PPP2R2C: variants seen among roughly 807,000 people sequenced by gnomAD.
The protein encoded by PPP2R2C is protein phosphatase 2, regulatory subunit B, gamma.
In PPP2R2C, 10 loss-of-function variants were observed where a neutral mutation model predicts 45.3. That is an observed-to-expected ratio of 0.22 (90% confidence interval 0.14 to 0.37). The LOEUF is 0.37. PPP2R2C is among the 10% of genes least tolerant of loss of function. The probability of loss-of-function intolerance (pLI) is 1.00; values close to 1 mark genes in which losing one functional copy is unlikely to be tolerated. For missense variants in PPP2R2C, 308 were observed against 619.7 expected, an observed-to-expected ratio of 0.50 and a Z score of 5.34; for synonymous variants, 257 against 245.4, an observed-to-expected ratio of 1.05 and a Z score of -0.44.
intron 1 of PPP2R2C, among the ~76,000 whole-genome samples, chr4:6,391,403 C>A (rs1168651449): frequency 6.6e-6 from 1 of 152,234 alleles, no homozygotes; most frequent in Non-Finnish European, 1.5e-5. Context: ...CTTATTGCCA[C>A]ATTGAATCCT....
rs536079663 is a variant in PPP2R2C at position 6,328,628 on chromosome 4, G to T, written c.1052+634C>A. On this transcript the variant is annotated intron_variant, in intron 8 of 8. Coordinates refer to ENST00000382599, the MANE Select transcript of PPP2R2C (RefSeq NM_020416.4). The surrounding 1 kb of genome is among the most constrained non-coding windows in gnomAD (Gnocchi z 4.4). ...TGCCACAGCCCCCTTGTCCATGCCC[G>T]CCCTGGGCTGAGCCCAGGCTAGGGA... Among the ~76,000 whole-genome samples the T allele has an allele frequency of 6.6e-6, 1 of 152,176 alleles. No homozygotes were observed.
Position 6,323,081 on chromosome 4 carries a change from T to G in PPP2R2C, c.*221A>C. The G allele has an allele frequency of 4.2e-6, 2 of 474,804 alleles. No homozygotes were observed. The highest frequency in any genetic ancestry group is 3.6e-6 in the Non-Finnish European group (1 of 277,860). 29.4% of individuals were successfully genotyped at this position (474,804 alleles called of 1,614,324 possible). On this transcript the variant is annotated 3_prime_UTR_variant, in exon 9 of 9. Transcript: ENST00000382599. ...TGTGGCGGTGAACGCTTCCTTTCCT[T>G]TTTATTTTTTTAAACAGACAATTAC...
At position 6,324,591 on chromosome 4, in the gene PPP2R2C, C is replaced by T. The variant is rs1166358173; in HGVS notation, c.1053-998G>A. On this transcript the variant is annotated intron_variant, in intron 8 of 8. Transcript: ENST00000382599. The surrounding 1 kb of genome is among the most constrained non-coding windows in gnomAD (Gnocchi z 4.1). ...ACCAGGCCCTGCTTCCCTCCAGGGGCCCGCCTGTCCCGAGGACTCGGGCGA... is the reference window on the plus strand; with the variant it reads ...ACCAGGCCCTGCTTCCCTCCAGGGGTCCGCCTGTCCCGAGGACTCGGGCGA... Among the ~76,000 whole-genome samples the T allele has an allele frequency of 2.0e-5, 3 of 152,184 alleles. No individual in the cohort carries two copies. The highest frequency in any genetic ancestry group is 4.4e-5 in the Non-Finnish European group (3 of 68,008).
chr4:6,452,797 G>A (rs868501944), intron 1 of PPP2R2C, among the ~76,000 whole-genome samples: 1 of 152,244 alleles, frequency 6.6e-6, no homozygotes, highest in African/African-American at 2.4e-5. Flanking sequence ...TCCCAAGCCT[G>A]GAAGCAAAGT....
At chr4:6,509,926 C>A (rs964146578) in intron 2 of PPP2R2C, among the ~76,000 whole-genome samples, 4 of 152,210 alleles carry the variant, frequency 2.6e-5, no homozygotes, top group African/African-American at 9.7e-5. Flanking sequence ...CCCTTTCCTG[C>A]ACCCTCCACG....
chr4:6,472,051 G>A (rs1298566138), intron 1 of PPP2R2C, 109 bp downstream of exon 1: 1 of 1,339,012 alleles, frequency 7.5e-7, no homozygotes, highest in East Asian at 2.4e-5. Flanking sequence ...GGGGTGGGGC[G>A]GGGGGACACG....
chr4:6,551,014 C>T (rs1725166242), intron 1 of PPP2R2C, among the ~76,000 whole-genome samples: 1 of 152,206 alleles, frequency 6.6e-6, no homozygotes, highest in Non-Finnish European at 1.5e-5. Context: ...GCCATACCTT[C>T]CTCGCCTCCG....
Position 6,372,654 on chromosome 4 carries a change from C to T in PPP2R2C, c.494G>A (p.Arg165Gln). 1.9e-6 allele frequency: 3 copies of T among 1,614,188 alleles called. No individual in the cohort carries two copies. Among genetic ancestry groups the T allele is most frequent in the Non-Finnish European group, 1.7e-6 (2 of 1,180,022 alleles). The change falls in exon 5 of 9, where the codon CGG becomes CAG. Residue 165 changes from arginine to glutamine, a missense_variant. By Grantham distance (43) the Arg-to-Gln change is conservative. Coordinates refer to ENST00000382599, the MANE Select transcript of PPP2R2C (RefSeq NM_020416.4). ...GGTGTGGCCATTGGCAAAGATCCTC[C>T]GAGGGCTCACCTCCACCATCAGATC... The part of the protein sequence containing the change: ...PMDLMVEVSP[R>Q]RIFANGHTYH...
At chr4:6,555,161 A>G (rs1264386853) in intron 1 of PPP2R2C, among the ~76,000 whole-genome samples, 1 of 152,020 alleles carries the variant, frequency 6.6e-6, no homozygotes, top group Non-Finnish European at 1.5e-5. Flanking sequence ...GGCCTCTTTT[A>G]TAAGGGCTCC....
intron 6 of PPP2R2C, among the ~76,000 whole-genome samples, chr4:6,337,159 T>TA (rs1733042427): frequency 8.8e-6 from 1 of 113,130 alleles, no homozygotes; most frequent in South Asian, 3.1e-4. Context: ...TATATATATA[T>TA]ATTTGTAGTT....
Position 6,332,490 on chromosome 4 carries a change from G to A in PPP2R2C, c.960+1072C>T, listed in dbSNP as rs772786229. Among the ~76,000 whole-genome samples the A allele has an allele frequency of 6.6e-6, 1 of 152,176 alleles. No homozygotes were observed. The highest frequency in any genetic ancestry group is 1.5e-5 in the Non-Finnish European group (1 of 68,036). ...CCAGGAGCGTGAGCTGTTCCTCTGGGGCCCAGGTCAGATCAGAGCAGCCCA... is the reference window on the plus strand; with the variant it reads ...CCAGGAGCGTGAGCTGTTCCTCTGGAGCCCAGGTCAGATCAGAGCAGCCCA... On this transcript the variant is annotated intron_variant, in intron 7 of 8. Coordinates refer to ENST00000382599, the MANE Select transcript of PPP2R2C (RefSeq NM_020416.4). This position sits in a 1 kb window ranked among gnomAD's most constrained non-coding sequence, Gnocchi z 4.9.
chr4:6,385,239 C>T (rs1212904087), intron 1 of PPP2R2C, among the ~76,000 whole-genome samples: 1 of 152,190 alleles, frequency 6.6e-6, no homozygotes, highest in Non-Finnish European at 1.5e-5. Flanking sequence ...AGAACCACCA[C>T]CAGACCTCAG....
chr4:6,325,367 G>A (rs1225714378), intron 8 of PPP2R2C, among the ~76,000 whole-genome samples: 1 of 152,154 alleles, frequency 6.6e-6, no homozygotes, highest in Non-Finnish European at 1.5e-5. Flanking sequence ...TCAGAGCCTG[G>A]GACAAGGGAA....
chr4:6,431,873 T>A (rs183996392), intron 1 of PPP2R2C, among the ~76,000 whole-genome samples: 439 of 152,308 alleles, frequency 2.9e-3, no homozygotes, highest in African/African-American at 0.01. Flanking sequence ...AACAGCCATT[T>A]ACATCTCACA....
At chr4:6,425,998 G>A (rs1719276697) in intron 1 of PPP2R2C, among the ~76,000 whole-genome samples, 1 of 152,144 alleles carries the variant, frequency 6.6e-6, no homozygotes, top group African/African-American at 2.4e-5. Context: ...GGCGGGATGA[G>A]CCTGTTCCTG....
At chr4:6,491,133 A>G (rs556923752) in intron 2 of PPP2R2C, among the ~76,000 whole-genome samples, 11 of 151,876 alleles carry the variant, frequency 7.2e-5, no homozygotes, top group Non-Finnish European at 1.6e-4. Flanking sequence ...GTGGACAGGG[A>G]TTTTTGCCTG....
chr4:6,401,181 G>A (rs909999592), intron 1 of PPP2R2C, among the ~76,000 whole-genome samples: 4 of 152,082 alleles, frequency 2.6e-5, no homozygotes, highest in East Asian at 1.9e-4. Context: ...TAGTACTCCC[G>A]TTATTCAGCT....
chr4:6,413,541 G>T (rs979986715), intron 1 of PPP2R2C, among the ~76,000 whole-genome samples: 25 of 152,202 alleles, frequency 1.6e-4, no homozygotes, highest in African/African-American at 5.1e-4. Context: ...GGCAGATGCT[G>T]GTGGGTGTGC....
chr4:6,546,518 C>T (rs1297400390), intron 1 of PPP2R2C, among the ~76,000 whole-genome samples: 1 of 152,110 alleles, frequency 6.6e-6, no homozygotes, highest in African/African-American at 2.4e-5. Context: ...AATGACTAGC[C>T]CAGGGCCACA....
Sources: allele counts gnomAD v4.1 joint callset (sites outside exome capture counted in the v4.1 genomes callset), GRCh38; gene constraint gnomAD v4.1.1; non-coding constraint Gnocchi (gnomAD v3.1); transcripts MANE v1.5; gene names NCBI Gene and HGNC (gene_info 2026-07-23, HGNC 2026-07-21).